RHBDL3: variants seen among roughly 807,000 people sequenced by gnomAD.
RHBDL3 encodes the protein rhomboid-related protein 3.
A neutral mutation model predicts 48.2 loss-of-function variants in RHBDL3; 28 were observed. That is an observed-to-expected ratio of 0.58 (90% CI 0.43 to 0.80). RHBDL3 has a LOEUF of 0.80. Ranked by LOEUF, RHBDL3 falls within the 30% of genes least tolerant of loss-of-function variation. The probability of loss-of-function intolerance (pLI) is 0.00; values close to 1 mark genes in which losing one functional copy is unlikely to be tolerated. For synonymous variants in RHBDL3, 208 were observed against 232.3 expected (o/e 0.90, Z 0.95); for missense variants, 464 against 542.7 (o/e 0.85, Z 1.44).
chr17:32,271,236 A>C (rs149517051), intron 2 of RHBDL3, among the ~76,000 whole-genome samples: 1 of 152,308 alleles, frequency 6.6e-6, no homozygotes, highest in African/African-American at 2.4e-5. Context: ...CTCCATCTGC[A>C]TCTGATTCCT....
chr17:32,273,377 C>A (rs934709956), intron 2 of RHBDL3, among the ~76,000 whole-genome samples: 2 of 152,222 alleles, frequency 1.3e-5, no homozygotes, highest in African/African-American at 2.4e-5. Context: ...ACAGCCAGAG[C>A]GGAGACTAGA....
intron 2 of RHBDL3, among the ~76,000 whole-genome samples, chr17:32,272,452 C>T (rs960664314): frequency 6.6e-6 from 1 of 152,204 alleles, no homozygotes; most frequent in Non-Finnish European, 1.5e-5. Context: ...AAAACTCCTG[C>T]CCCAGAGACA....
chr17:32,318,342 AAAG>A (rs1384282019), intron 8 of RHBDL3, among the ~76,000 whole-genome samples: 1 of 149,768 alleles, frequency 6.7e-6, no homozygotes, highest in East Asian at 2.0e-4. Flanking sequence ...AAAAAAAAGA[AAAG>A]AAAAGAAAAG....
At position 32,294,333 on chromosome 17, in the gene RHBDL3, T is replaced by C. The variant is rs1157726272; in HGVS notation, c.559T>C (p.Phe187Leu). The C allele has an allele frequency of 6.2e-7, 1 of 1,614,028 alleles. No homozygotes were observed. Among genetic ancestry groups the C allele is most frequent in the Non-Finnish European group, 8.5e-7 (1 of 1,179,976 alleles). The change falls in exon 5 of 9, where the codon TTT becomes CTT. Residue 187 changes from phenylalanine (F) to leucine (L), a missense_variant. Phe to Leu is a conservative substitution (Grantham distance 22, BLOSUM62 0). Coordinates refer to ENST00000269051, the MANE Select transcript of RHBDL3 (RefSeq NM_138328.3). ...CTACAATGGGGTGTCACTAGGTCAA[T>C]TTGTACTGCAGGTAACTCATCCACG... The part of the protein sequence containing the change: ...FLYNGVSLGQ[F>L]VLQVTHPRYL...
intron 5 of RHBDL3, among the ~76,000 whole-genome samples, chr17:32,296,436 A>C (rs1414906441): frequency 6.7e-6 from 1 of 148,548 alleles, no homozygotes; most frequent in Non-Finnish European, 1.5e-5. Context: ...CCTGGGTTCA[A>C]GCGATTCTCC....
intron 6 of RHBDL3, among the ~76,000 whole-genome samples, chr17:32,302,170 T>C (rs2040597876): frequency 6.6e-6 from 1 of 152,252 alleles, no homozygotes; most frequent in South Asian, 2.1e-4. Flanking sequence ...ACTGGTCTTA[T>C]CTGCCTGTAC....
At chr17:32,288,133 A>G (rs748030495) in intron 3 of RHBDL3, 4 of 152,294 alleles carry the variant, frequency 2.6e-5, no homozygotes, top group Non-Finnish European at 5.9e-5. Flanking sequence ...CTGCAAACCC[A>G]TCTAACCAAG....
At chr17:32,320,753 A>G (rs1468508646) in intron 8 of RHBDL3, among the ~76,000 whole-genome samples, 1 of 152,140 alleles carries the variant, frequency 6.6e-6, no homozygotes, top group Non-Finnish European at 1.5e-5. Context: ...TATCTCATGT[A>G]TGTAATTGCT....
intron 2 of RHBDL3, among the ~76,000 whole-genome samples, chr17:32,274,065 AG>A (rs2150692420): frequency 6.6e-6 from 1 of 152,336 alleles, no homozygotes; most frequent in South Asian, 2.1e-4. Context: ...AAGTGTTCAG[AG>A]CCCCAGTTGG....
intron 7 of RHBDL3, among the ~76,000 whole-genome samples, chr17:32,314,652 C>G (rs1224721762): frequency 4.6e-5 from 7 of 152,166 alleles, no homozygotes. Flanking sequence ...TTGTTGGCTA[C>G]TTGGCAGTGG....
Position 32,276,740 on chromosome 17 carries a change from T to G in RHBDL3, c.136-7919T>G, listed in dbSNP as rs868570378. 5.0e-4 allele frequency among the ~76,000 whole-genome samples: 39 copies of G among 78,054 alleles called. 1 individual carries two copies. The highest frequency in any genetic ancestry group is 1.4e-3 in the African/African-American group (23 of 15,980). 51.2% of individuals were successfully genotyped at this position (78,054 alleles called of 152,430 possible). A position where few individuals can be genotyped will look rare whatever the true frequency, so the allele number is the denominator to read the frequency against. ...AGCACCTTACTCCGGCCCTAGCACCTTACTCCAGCCCTAGCACAGTACTCC... is the reference window on the plus strand; with the variant it reads ...AGCACCTTACTCCGGCCCTAGCACCGTACTCCAGCCCTAGCACAGTACTCC... On this transcript the variant is annotated intron_variant, in intron 2 of 8. Transcript: ENST00000269051.
chr17:32,310,600 C>A (rs2040821245), intron 7 of RHBDL3, among the ~76,000 whole-genome samples: 1 of 152,134 alleles, frequency 6.6e-6, no homozygotes, highest in South Asian at 2.1e-4. Flanking sequence ...GTAGTCCCAG[C>A]TACTCAGAAG....
intron 7 of RHBDL3, among the ~76,000 whole-genome samples, chr17:32,305,790 C>T (rs1049845523): frequency 3.3e-5 from 5 of 151,944 alleles, no homozygotes; most frequent in South Asian, 2.1e-4. Context: ...TGGTGGCATG[C>T]GCCTGTAGTC....
intron 5 of RHBDL3, 114 bp from the exon 6 acceptor site, chr17:32,297,978 G>C: frequency 1.4e-6 from 1 of 734,268 alleles, no homozygotes; most frequent in South Asian, 1.7e-5. Flanking sequence ...AGGCAGAGGT[G>C]GTCTTGTTCA....
At chr17:32,310,545 T>C (rs2040820023) in intron 7 of RHBDL3, among the ~76,000 whole-genome samples, 3 of 152,078 alleles carry the variant, frequency 2.0e-5, no homozygotes, top group Admixed American at 6.6e-5. Context: ...AAACCCCATC[T>C]CAACTAAAAA....
intron 7 of RHBDL3, among the ~76,000 whole-genome samples, chr17:32,308,849 C>T (rs1321357379): frequency 2.0e-5 from 3 of 150,950 alleles, no homozygotes; most frequent in South Asian, 4.2e-4. Context: ...GGGTGGATCA[C>T]GAGGTCAGGA....
At position 32,265,855 on chromosome 17, in the gene RHBDL3, G is replaced by C. The variant is rs1357834900; in HGVS notation, c.-335G>C. Among the ~76,000 whole-genome samples, 1 of 147,480 alleles carries C rather than the reference G, an allele frequency of 6.8e-6. No homozygotes were observed. The highest frequency in any genetic ancestry group is 1.5e-5 in the Non-Finnish European group (1 of 66,158). ...GCGCAGAGCGGGGGCCGCGAGAAGC[G>C]GGAAGGGAGCGCGGGGAGCGGCGGG... On this transcript the variant is annotated 5_prime_UTR_variant, in exon 1 of 9. Transcript: ENST00000269051.
intron 2 of RHBDL3, among the ~76,000 whole-genome samples, chr17:32,283,796 G>A (rs1482057579): frequency 3.3e-5 from 5 of 152,182 alleles, no homozygotes; most frequent in East Asian, 1.9e-4. Flanking sequence ...GCGAGGCGCC[G>A]CGGTCCAAGG....
intron 6 of RHBDL3, among the ~76,000 whole-genome samples, chr17:32,304,949 C>T (rs1388906251): frequency 6.6e-6 from 1 of 152,034 alleles, no homozygotes; most frequent in Admixed American, 6.6e-5. Flanking sequence ...AAGACTCTGT[C>T]TCTACTAAGA....
Sources: gnomAD v4.1 joint callset for allele counts (sites outside exome capture counted in the v4.1 genomes callset) on GRCh38, gnomAD v4.1.1 for gene constraint, MANE v1.5 for transcripts, NCBI Gene and HGNC (gene_info 2026-07-23, HGNC 2026-07-21) for gene names.